Variants in MRPS35 observed in about 807,000 individuals in gnomAD.
MRPS35 encodes the protein mitochondrial ribosomal protein S35, also known as small ribosomal subunit protein mS35.
A neutral mutation model predicts 32.7 loss-of-function variants in MRPS35; 29 were observed. That is an observed-to-expected ratio of 0.89 (90% CI 0.66 to 1.21). The LOEUF is 1.21. Ranked by LOEUF, MRPS35 falls within the 50% of genes most tolerant of loss-of-function variation. The pLI is 0.00. For synonymous variants in MRPS35, 148 were observed against 139.3 expected, an observed-to-expected ratio of 1.06 and a Z score of -0.44; for missense variants, 373 against 383.8, an observed-to-expected ratio of 0.97 and a Z score of 0.23.
chr12:27,737,260 A>G (rs1284272241), intron 6 of MRPS35, among the ~76,000 whole-genome samples: 1 of 152,242 alleles, frequency 6.6e-6, no homozygotes, highest in East Asian at 1.9e-4. Flanking sequence ...TATTGGACAC[A>G]ATCCTAGTAA....
intron 7 of MRPS35, among the ~76,000 whole-genome samples, chr12:27,741,632 A>G (rs2061965015): frequency 6.6e-6 from 1 of 152,228 alleles, no homozygotes; most frequent in Admixed American, 6.5e-5. Context: ...ATAATTGATG[A>G]TAACACAACT....
chr12:27,749,423 T>C (rs1054685466), intron 7 of MRPS35, among the ~76,000 whole-genome samples: 3 of 152,322 alleles, frequency 2.0e-5, no homozygotes, highest in South Asian at 2.1e-4. Flanking sequence ...TATTTGCAAA[T>C]AGTATGGAGT....
In MRPS35 at chr12:27,724,806, T is replaced by G. The variant is rs567877623; in HGVS notation, c.522+620T>G. Among the ~76,000 whole-genome samples, 5 of 152,278 alleles carry G rather than the reference T, an allele frequency of 3.3e-5. No homozygotes were observed. The East Asian group carries it at 9.6e-4, about 29-fold the overall frequency. On this transcript the variant is annotated intron_variant, in intron 5 of 7. Coordinates refer to ENST00000081029, the MANE Select transcript of MRPS35 (RefSeq NM_021821.4). Reference sequence around the variant, plus strand: ...TATTTGTAACCACTGTTAACTATAGTAGCTCATTTTAGTATATAGTCACAG... The same window carrying G: ...TATTTGTAACCACTGTTAACTATAGGAGCTCATTTTAGTATATAGTCACAG...
intron 5 of MRPS35, among the ~76,000 whole-genome samples, chr12:27,725,370 G>A (rs891716492): frequency 6.6e-6 from 1 of 151,786 alleles, no homozygotes; most frequent in East Asian, 1.9e-4. Flanking sequence ...CATAATACAG[G>A]GCTACCATAA....
intron 4 of MRPS35, among the ~76,000 whole-genome samples, chr12:27,721,245 T>C (rs1400343936): frequency 6.6e-6 from 1 of 152,132 alleles, no homozygotes; most frequent in Non-Finnish European, 1.5e-5. Context: ...GGAGGAAAAA[T>C]CTGTTGCCTC....
At chr12:27,747,532 A>G (rs1341113748) in intron 7 of MRPS35, among the ~76,000 whole-genome samples, 1 of 152,204 alleles carries the variant, frequency 6.6e-6, no homozygotes, top group East Asian at 1.9e-4. Context: ...CTTTTTATGA[A>G]TATTTGCCTC....
chr12:27,737,557 G>C lies in MRPS35; in HGVS notation c.651G>C (p.Gln217His). 1 of 1,612,362 alleles carries C rather than the reference G, an allele frequency of 6.2e-7. No individual in the cohort carries two copies. Among genetic ancestry groups the C allele is most frequent in the Non-Finnish European group, 8.5e-7 (1 of 1,178,676 alleles). The stretch of plus-strand genomic sequence containing the variant: ...TTAATAGGTGCCCTTTAAGGAGGCA[G>C]AATTACGATTATGCAGTGTATCTAC... ...IKTDRCPLRR[Q>H]NYDYAVYLLT... Residue 217 changes from glutamine to histidine, a missense_variant, in exon 7 of 8, where the codon CAG becomes CAC. Gln to His is a conservative substitution (Grantham distance 24). Transcript: ENST00000081029.
In MRPS35 at chr12:27,735,560, A is replaced by G. The variant is rs1285099743; in HGVS notation, c.632+4A>G. 3 of 1,599,190 alleles carry G rather than the reference A, an allele frequency of 1.9e-6. No individual in the cohort carries two copies. The highest frequency in any genetic ancestry group is 2.6e-6 in the Non-Finnish European group (3 of 1,169,634). On this transcript the variant is annotated splice_donor_region_variant and intron_variant, in intron 6 of 7. Transcript: ENST00000081029. ...TGCTTACCATCAAAACAGATAGGTA[A>G]TGGAAAAAATGTTCAGCCGACTGGT...
intron 5 of MRPS35, among the ~76,000 whole-genome samples, chr12:27,733,813 T>G (rs973425573): frequency 6.6e-6 from 1 of 152,226 alleles, no homozygotes; most frequent in Non-Finnish European, 1.5e-5. Context: ...CTTGAGTTGT[T>G]TTTAAGAGTG....
chr12:27,730,142 A>G (rs905993401), intron 5 of MRPS35, among the ~76,000 whole-genome samples: 2 of 152,168 alleles, frequency 1.3e-5, no homozygotes, highest in African/African-American at 4.8e-5. Flanking sequence ...ATCAATATTG[A>G]ATTTATTGTT....
chr12:27,750,216 A>C (rs570758636), intron 7 of MRPS35, among the ~76,000 whole-genome samples: 1 of 152,212 alleles, frequency 6.6e-6, no homozygotes, highest in Non-Finnish European at 1.5e-5. Flanking sequence ...GGTGTTAAAA[A>C]ATATATATGC....
rs1239270058 is a variant in MRPS35 at position 27,735,481 on chromosome 12, C to T, written c.557C>T (p.Ala186Val). Residue 186 changes from alanine to valine, a missense_variant, in exon 6 of 8, where the codon GCA (alanine) becomes GTA (valine). By Grantham distance (64) the Ala-to-Val change is moderately conservative. Transcript: ENST00000081029. ...KLSSLNLDDH[A>V]KKKLIKLVGE... is the part of the protein sequence containing the mutation. ...TCCAGTTTGAATTTAGATGATCACG[C>T]AAAGAAGAAATTAATTAAACTTGTA... 1 of 1,610,124 alleles carries T rather than the reference C, an allele frequency of 6.2e-7. No homozygotes were observed. Among genetic ancestry groups the T allele is most frequent in the Non-Finnish European group, 8.5e-7 (1 of 1,178,654 alleles).
chr12:27,734,758 C>T (rs1194698012), intron 5 of MRPS35, among the ~76,000 whole-genome samples: 1 of 152,080 alleles, frequency 6.6e-6, no homozygotes, highest in Non-Finnish European at 1.5e-5. Context: ...TTTCAAGATG[C>T]TTATTAGCAT....
chr12:27,710,931 A>T lies in MRPS35; in HGVS notation c.88A>T (p.Thr30Ser). 2 of 1,612,936 alleles carry T rather than the reference A, an allele frequency of 1.2e-6. No individual in the cohort carries two copies. Among genetic ancestry groups the T allele is most frequent in the Non-Finnish European group, 1.7e-6 (2 of 1,179,828 alleles). ...RAFSTAVYSATPVPTPSLPER... is the reference protein window; with the variant it reads ...RAFSTAVYSASPVPTPSLPER... Reference sequence around the variant, plus strand: ...ATTCTCCACTGCCGTCTACTCGGCCACTCCGGTCCCGACACCTAGCCTGCG... The same window carrying T: ...ATTCTCCACTGCCGTCTACTCGGCCTCTCCGGTCCCGACACCTAGCCTGCG... The change falls in exon 1 of 8, where the codon ACT (threonine) becomes TCT (serine). Residue 30 changes from threonine (T) to serine (S), a missense_variant. Thr to Ser is a moderately conservative substitution (Grantham distance 58). Coordinates refer to ENST00000081029, the MANE Select transcript of MRPS35 (RefSeq NM_021821.4).
At chr12:27,744,618 A>G (rs914929246) in intron 7 of MRPS35, among the ~76,000 whole-genome samples, 8 of 152,212 alleles carry the variant, frequency 5.3e-5, no homozygotes, top group South Asian at 4.1e-4. Flanking sequence ...TCTCTTTAAC[A>G]TGAAGCGTAT....
At chr12:27,739,293 T>C (rs926298611) in intron 7 of MRPS35, among the ~76,000 whole-genome samples, 9 of 152,190 alleles carry the variant, frequency 5.9e-5, no homozygotes, top group Admixed American at 4.6e-4. Flanking sequence ...TTAGTGAAGA[T>C]AGGCAAAAAA....
At chr12:27,746,708 C>T (rs1436133553) in intron 7 of MRPS35, among the ~76,000 whole-genome samples, 1 of 152,154 alleles carries the variant, frequency 6.6e-6, no homozygotes, top group East Asian at 1.9e-4. Flanking sequence ...CTTAAAAGAC[C>T]TTTAAGAAAA....
At chr12:27,749,059 T>C (rs2061991035) in intron 7 of MRPS35, among the ~76,000 whole-genome samples, 1 of 152,040 alleles carries the variant, frequency 6.6e-6, no homozygotes, top group African/African-American at 2.4e-5. Flanking sequence ...CATAGCAGGG[T>C]TTTAAAAAAC....
chr12:27,742,292 A>G (rs1003622485), intron 7 of MRPS35, among the ~76,000 whole-genome samples: 5 of 152,128 alleles, frequency 3.3e-5, no homozygotes, highest in African/African-American at 1.2e-4. Flanking sequence ...TGCTTGAGCA[A>G]TGTTTGCTAT....
Sources: gnomAD v4.1 joint callset for allele counts (sites outside exome capture counted in the v4.1 genomes callset) on GRCh38, gnomAD v4.1.1 for gene constraint, MANE v1.5 for transcripts, NCBI Gene and HGNC (gene_info 2026-07-23, HGNC 2026-07-21) for gene names.